The following CREM variants were observed in gnomAD, a reference collection of about 807,000 sequenced individuals.
CREM encodes cAMP responsive element modulator, also known as cAMP-responsive element modulator.
CREM carries 13 observed loss-of-function variants against 37.3 expected under a neutral mutation model. The observed-to-expected ratio is 0.35, with a 90% CI of 0.23 to 0.55. CREM has a LOEUF of 0.55. Ranked by LOEUF, CREM falls within the 20% of genes least tolerant of loss-of-function variation. The probability of loss-of-function intolerance (pLI) is 0.88; values close to 1 mark genes in which losing one functional copy is unlikely to be tolerated. For missense variants in CREM, 296 were observed against 362.3 expected (o/e 0.82, Z 1.49); for synonymous variants, 124 against 120.2 (o/e 1.03, Z -0.21).
At chr10:35,194,119 A>AAAAAAAAAAAAAAAAAAAAAAAAAAC (rs1236065556) in intron 6 of CREM, among the ~76,000 whole-genome samples, 1 of 150,302 alleles carries the variant, frequency 6.7e-6, no homozygotes, top group Non-Finnish European at 1.5e-5. Flanking sequence ...AAAAAAAAAA[A>AAAAAAAAAAAAAAAAAAAAAAAAAAC]AAAAAGACAA....
In CREM at chr10:35,178,975, A is replaced by G. The variant is rs763817787; in HGVS notation, c.255A>G (p.Arg85=). 10 of 1,608,736 alleles carry G rather than the reference A, an allele frequency of 6.2e-6. No individual in the cohort carries two copies. The East Asian group carries it at 2.0e-4, about 32-fold the overall frequency. ...AACGTAGAGAAATCCTTTCACGAAG[A>G]CCCTCTTATAGGTAAGTTAACCAAG... is the stretch of plus-strand genomic sequence containing the variant. ...SHKRREILSR[R]PSYRKILNEL... Residue 85 remains arginine, a synonymous_variant, in exon 4 of 8, where the codon AGA becomes AGG. Transcript: ENST00000685392.
intron 6 of CREM, chr10:35,195,856 G>C (rs192268917): frequency 1.2e-5 from 7 of 571,110 alleles, no homozygotes; most frequent in South Asian, 1.1e-4. Context: ...GCACATTGAC[G>C]TCAGCTCCGA....
intron 3 of CREM, among the ~76,000 whole-genome samples, chr10:35,150,497 G>C (rs775987705): frequency 6.6e-6 from 1 of 152,096 alleles, no homozygotes; most frequent in Non-Finnish European, 1.5e-5. Context: ...CAGGCTGGGC[G>C]ACAGCCACCT....
intron 3 of CREM, among the ~76,000 whole-genome samples, chr10:35,176,552 C>T (rs549288150): frequency 2.6e-5 from 4 of 151,750 alleles, no homozygotes; most frequent in Admixed American, 6.6e-5. Flanking sequence ...GGACTACAGG[C>T]GCCCGCCACC....
At chr10:35,169,588 C>A (rs1362348404) in intron 3 of CREM, among the ~76,000 whole-genome samples, 1 of 152,198 alleles carries the variant, frequency 6.6e-6, no homozygotes, top group Non-Finnish European at 1.5e-5. Context: ...CCCTTTATTT[C>A]TTTCTCCTGC....
chr10:35,211,495 C>T lies in CREM; in HGVS notation c.*97C>T, dbSNP rs890978813. The T allele has an allele frequency of 6.6e-6, 10 of 1,510,066 alleles. No individual in the cohort carries two copies. The highest frequency in any genetic ancestry group is 8.9e-6 in the Non-Finnish European group (10 of 1,117,588). The allele number at this position is 1,510,066 out of a possible 1,614,324, so 93.5% of individuals were successfully genotyped here. A position where few individuals can be genotyped will look rare whatever the true frequency, so the allele number is the denominator to read the frequency against. ...GACTTGTGGGAAGGACACGTGTGAC[C>T]CTTAAGAATCCAGTTTGGATTAGTG... is the stretch of plus-strand genomic sequence containing the variant. On this transcript the variant is annotated 3_prime_UTR_variant, in exon 8 of 8. Transcript: ENST00000685392.
At position 35,127,058 on chromosome 10, in the gene CREM, G is replaced by C. The variant is rs2087899228; in HGVS notation, c.-190G>C. 6.5e-6 allele frequency: 1 copy of C among 152,756 alleles called. No individual in the cohort carries two copies. The highest frequency in any genetic ancestry group is 1.5e-5 in the Non-Finnish European group (1 of 68,122). 9.5% of individuals were successfully genotyped at this position (152,756 alleles called of 1,614,324 possible). ...GCTACCGCATCACAGCTGACGTGAGGACTACGTGGGGCCGCTGCCGGCTCC... is the reference window on the plus strand; with the variant it reads ...GCTACCGCATCACAGCTGACGTGAGCACTACGTGGGGCCGCTGCCGGCTCC... On this transcript the variant is annotated 5_prime_UTR_variant, in exon 1 of 8. Transcript: ENST00000685392.
chr10:35,205,927 C>A (rs1236452433), intron 6 of CREM, among the ~76,000 whole-genome samples: 1 of 151,738 alleles, frequency 6.6e-6, no homozygotes, highest in Non-Finnish European at 1.5e-5. Flanking sequence ...CACTGCACTC[C>A]AGCCTGGAGC....
intron 3 of CREM, chr10:35,158,707 A>G (rs2093069409): frequency 6.5e-6 from 1 of 152,700 alleles, no homozygotes. Flanking sequence ...TGAAGCTTCA[A>G]CATAGCTCAA....
chr10:35,192,356 T>TGTTTC (rs997598427), intron 6 of CREM, among the ~76,000 whole-genome samples: 13 of 152,278 alleles, frequency 8.5e-5, no homozygotes, highest in South Asian at 8.3e-4. Flanking sequence ...TGTTTCGTTT[T>TGTTTC]GTTTTGTTTT....
At chr10:35,174,634 A>G (rs1393830036) in intron 3 of CREM, among the ~76,000 whole-genome samples, 1 of 152,198 alleles carries the variant, frequency 6.6e-6, no homozygotes, top group East Asian at 1.9e-4. Flanking sequence ...TTCTACTACC[A>G]CTCATGATAG....
intron 2 of CREM, among the ~76,000 whole-genome samples, chr10:35,144,991 G>A (rs1350338094): frequency 6.6e-6 from 1 of 151,020 alleles, no homozygotes; most frequent in Non-Finnish European, 1.5e-5. Flanking sequence ...TAAACCCCGT[G>A]TCTACTAAAA....
At chr10:35,186,836 G>A (rs1324936927) in intron 5 of CREM, among the ~76,000 whole-genome samples, 4 of 103,900 alleles carry the variant, frequency 3.8e-5, no homozygotes, top group African/African-American at 1.6e-4. Context: ...ACATATATAG[G>A]TATATATACG....
intron 3 of CREM, among the ~76,000 whole-genome samples, chr10:35,177,211 T>C (rs2094134271): frequency 1.3e-5 from 2 of 152,014 alleles, no homozygotes; most frequent in Admixed American, 6.6e-5. Flanking sequence ...TTCACATACA[T>C]TAAAAGCTTG....
chr10:35,175,846 T>A, intron 3 of CREM: 1 of 1,589,380 alleles, frequency 6.3e-7, no homozygotes, highest in South Asian at 1.1e-5. Flanking sequence ...GGTGATCATT[T>A]TGGCAGGTTT....
chr10:35,175,684 G>A (rs1203162031), intron 3 of CREM: 1 of 1,614,070 alleles, frequency 6.2e-7, no homozygotes, highest in African/African-American at 1.3e-5. Context: ...GACTGTTCCA[G>A]GACAGTAACC....
chr10:35,187,139 A>G (rs756402598), intron 5 of CREM, among the ~76,000 whole-genome samples: 1 of 73,698 alleles, frequency 1.4e-5, no homozygotes, highest in East Asian at 3.8e-4. Flanking sequence ...TTAATATATT[A>G]ATATATAATA....
At chr10:35,140,924 G>A (rs2135727464) in intron 2 of CREM, among the ~76,000 whole-genome samples, 1 of 152,338 alleles carries the variant, frequency 6.6e-6, no homozygotes, top group East Asian at 1.9e-4. Context: ...AGGGACTGGA[G>A]ATAAGGCTGT....
intron 3 of CREM, among the ~76,000 whole-genome samples, chr10:35,161,353 G>C (rs965588082): frequency 2.6e-5 from 4 of 151,968 alleles, no homozygotes; most frequent in Non-Finnish European, 5.9e-5. Context: ...AAAATAAGCA[G>C]ATGTGGTGGC....
Sources: allele counts gnomAD v4.1 joint callset (sites outside exome capture counted in the v4.1 genomes callset), GRCh38; gene constraint gnomAD v4.1.1; transcripts MANE v1.5; gene names NCBI Gene and HGNC (gene_info 2026-07-23, HGNC 2026-07-21).